The following SNTB1 variants were observed in gnomAD, a reference collection of about 807,000 sequenced individuals.
SNTB1 encodes beta-1-syntrophin.
SNTB1 carries 36 observed loss-of-function variants against 48.9 expected under a neutral mutation model. That is an observed-to-expected ratio of 0.74 (90% confidence interval 0.56 to 0.97). The LOEUF (loss-of-function observed/expected upper bound fraction) is 0.97. SNTB1 is among the 50% of genes least tolerant of loss of function. The pLI is 0.00. For missense variants in SNTB1, 786 were observed against 703.4 expected, an observed-to-expected ratio of 1.12 and a Z score of -1.33; for synonymous variants, 299 against 294.6, an observed-to-expected ratio of 1.01 and a Z score of -0.15.
intron 1 of SNTB1, among the ~76,000 whole-genome samples, chr8:120,803,980 G>A (rs796840211): frequency 3.9e-5 from 6 of 152,044 alleles, no homozygotes; most frequent in East Asian, 3.8e-4. Flanking sequence ...CTCCTCTTTC[G>A]TCAACCATCT....
intron 2 of SNTB1, among the ~76,000 whole-genome samples, chr8:120,682,815 A>C (rs1817954985): frequency 6.6e-6 from 1 of 152,090 alleles, no homozygotes; most frequent in Non-Finnish European, 1.5e-5. Flanking sequence ...AGGGCAGTCC[A>C]TAATTTCAAA....
In SNTB1 at chr8:120,537,202, G is replaced by C. The variant is rs1205181033; in HGVS notation, c.*1675C>G. ...ACTAGCTTCACAAGATGCTCCATTA[G>C]AAAAGAGTCCTGTAGGTAAGTGTGA... is the stretch of plus-strand genomic sequence containing the variant. On this transcript the variant is annotated 3_prime_UTR_variant, in exon 7 of 7. Transcript: ENST00000517992. 6.6e-6 allele frequency: 1 copy of C among 150,804 alleles called. No individual in the cohort carries two copies. The highest frequency in any genetic ancestry group is 2.4e-5 in the African/African-American group (1 of 41,098). The allele number at this position is 150,804 out of a possible 1,614,324, so 9.3% of individuals were successfully genotyped here. A position where few individuals can be genotyped will look rare whatever the true frequency, so the allele number is the denominator to read the frequency against.
At chr8:120,575,259 G>C (rs188685632) in intron 3 of SNTB1, 34 bp from the exon 4 acceptor site, 38 of 1,613,708 alleles carry the variant, frequency 2.4e-5, no homozygotes, top group Non-Finnish European at 3.2e-5. Context: ...TCAAATGACA[G>C]CCTGAGGAAA....
chr8:120,721,356 C>G (rs1818655738), intron 1 of SNTB1, among the ~76,000 whole-genome samples: 3 of 152,154 alleles, frequency 2.0e-5, no homozygotes, highest in Non-Finnish European at 1.5e-5. Context: ...TGAAATCAAG[C>G]TTCTCCTGTG....
chr8:120,632,781 T>A, intron 2 of SNTB1, 130 bp from the exon 3 acceptor site: 1 of 729,056 alleles, frequency 1.4e-6, no homozygotes, highest in Non-Finnish European at 2.3e-6. Context: ...CGGGATGCCT[T>A]AACAGTCCCG....
chr8:120,710,089 C>T (rs939790964), intron 1 of SNTB1, among the ~76,000 whole-genome samples: 7 of 152,144 alleles, frequency 4.6e-5, no homozygotes, highest in East Asian at 1.9e-4. Context: ...CCTCCGTTTC[C>T]GCAGACAGCC....
At chr8:120,675,049 G>A (rs147538029) in intron 2 of SNTB1, among the ~76,000 whole-genome samples, 16 of 152,288 alleles carry the variant, frequency 1.1e-4, no homozygotes, top group Non-Finnish European at 2.1e-4. Context: ...GCTGCAAATA[G>A]TAAAGGTCTC....
At chr8:120,653,660 C>T (rs562392027) in intron 2 of SNTB1, among the ~76,000 whole-genome samples, 2 of 152,154 alleles carry the variant, frequency 1.3e-5, no homozygotes, top group Admixed American at 6.5e-5. Flanking sequence ...AATATATGGG[C>T]GCTTAAAGAT....
At chr8:120,571,289 G>T in intron 4 of SNTB1, 1 of 1,286,558 alleles carries the variant, frequency 7.8e-7, no homozygotes. Flanking sequence ...GGAATCCAGT[G>T]ACTGTGGTCT....
chr8:120,618,507 C>T (rs1372530107), intron 3 of SNTB1, among the ~76,000 whole-genome samples: 2 of 152,160 alleles, frequency 1.3e-5, no homozygotes, highest in African/African-American at 2.4e-5. Context: ...CCACTACTTT[C>T]ACTTGCTTGG....
At chr8:120,768,077 T>G (rs1190805933) in intron 1 of SNTB1, among the ~76,000 whole-genome samples, 2 of 152,202 alleles carry the variant, frequency 1.3e-5, no homozygotes, top group African/African-American at 4.8e-5. Context: ...AAGAGCCAGT[T>G]TTTTTGAGGT....
chr8:120,561,797 C>T (rs1815665357), intron 4 of SNTB1, among the ~76,000 whole-genome samples: 1 of 152,142 alleles, frequency 6.6e-6, no homozygotes, highest in African/African-American at 2.4e-5. Context: ...TATTTCATAC[C>T]GCCTCCAGAT....
At chr8:120,590,685 C>CT (rs1255676747) in intron 3 of SNTB1, among the ~76,000 whole-genome samples, 1,542 of 99,878 alleles carry the variant, frequency 0.015, 27 homozygotes, top group African/African-American at 0.053. Context: ...CTTTTCTTTT[C>CT]TTTTTTTTTT....
chr8:120,797,092 T>C (rs1323099034), intron 1 of SNTB1, among the ~76,000 whole-genome samples: 1 of 152,072 alleles, frequency 6.6e-6, no homozygotes, highest in Non-Finnish European at 1.5e-5. Context: ...TCAAGGAATA[T>C]ACGATTTAAT....
chr8:120,548,818 C>T lies in SNTB1; in HGVS notation c.1277G>A (p.Arg426Lys). 1.9e-6 allele frequency: 3 copies of T among 1,614,154 alleles called. No homozygotes were observed. Among genetic ancestry groups the T allele is most frequent in the Non-Finnish European group, 2.5e-6 (3 of 1,180,012 alleles). Residue 426 changes from arginine to lysine, a missense_variant, in exon 5 of 7, where the codon AGG becomes AAG. Coordinates refer to ENST00000517992, the MANE Select transcript of SNTB1 (RefSeq NM_021021.4). ...ETSRDLSHWT[R>K]SIVQGCHNSA... ...ATTGTGGCAACCCTGTACTATGCTC[C>T]TTGTCCAGTGGGAGAGGTCCCTGCT...
At chr8:120,540,319 C>T (rs1199630521) in intron 6 of SNTB1, among the ~76,000 whole-genome samples, 1 of 152,186 alleles carries the variant, frequency 6.6e-6, no homozygotes, top group African/African-American at 2.4e-5. Flanking sequence ...GAGAAGGAGG[C>T]TGTGTCTGAA....
At chr8:120,673,715 C>T (rs1817791645) in intron 2 of SNTB1, among the ~76,000 whole-genome samples, 1 of 144,632 alleles carries the variant, frequency 6.9e-6, no homozygotes, top group Non-Finnish European at 1.5e-5. Flanking sequence ...CTGGTTGGCA[C>T]CAGGGCCTCC....
intron 1 of SNTB1, among the ~76,000 whole-genome samples, chr8:120,804,719 C>G (rs961256702): frequency 6.6e-6 from 1 of 152,024 alleles, no homozygotes; most frequent in South Asian, 2.1e-4. Flanking sequence ...CTGTAATACG[C>G]CCCCCCAAGG....
chr8:120,714,787 G>A (rs1053256056), intron 1 of SNTB1, among the ~76,000 whole-genome samples: 1 of 152,188 alleles, frequency 6.6e-6, no homozygotes, highest in Non-Finnish European at 1.5e-5. Context: ...ACATTTAGAG[G>A]AAGGTATAGA....
Sources: allele counts gnomAD v4.1 joint callset (sites outside exome capture counted in the v4.1 genomes callset), GRCh38; gene constraint gnomAD v4.1.1; transcripts MANE v1.5; gene names NCBI Gene and HGNC (gene_info 2026-07-23, HGNC 2026-07-21).